Variants in PIK3C2G observed in about 807,000 individuals in gnomAD.
PIK3C2G encodes the protein phosphatidylinositol 3-kinase C2 domain-containing subunit gamma.
In PIK3C2G, 168 loss-of-function variants were observed where a neutral mutation model predicts 181.1. The ratio of observed to expected loss-of-function variants is 0.93; its 90% CI spans 0.82 to 1.05. The LOEUF (loss-of-function observed/expected upper bound fraction) is 1.05, where lower values mean the gene tolerates loss of function less well. Ranked by LOEUF, PIK3C2G falls within the 50% of genes least tolerant of loss-of-function variation. PIK3C2G has a pLI of 0.00. For missense variants in PIK3C2G, 1,869 were observed against 1,732.8 expected, an observed-to-expected ratio of 1.08 and a Z score of -1.40; for synonymous variants, 573 against 592.2, an observed-to-expected ratio of 0.97 and a Z score of 0.47.
At chr12:18,696,450 A>G in the PIK3C2G span, among the ~76,000 whole-genome samples, 1 of 150,470 alleles carries the variant, frequency 6.6e-6, no homozygotes, top group Non-Finnish European at 1.5e-5. Context: ...CTTTATGTTT[A>G]TAGTATAATT....
chr12:18,672,375 T>A, the PIK3C2G span, among the ~76,000 whole-genome samples: 1 of 152,178 alleles, frequency 6.6e-6, no homozygotes, highest in African/African-American at 2.4e-5. Context: ...TTACTTTTAC[T>A]CATTATGTTA....
upstream of PIK3C2G, among the ~76,000 whole-genome samples, chr12:18,247,026 A>G (rs576806963): frequency 2.6e-5 from 4 of 152,376 alleles, no homozygotes; most frequent in African/African-American, 9.6e-5. Flanking sequence ...TATATAAAAC[A>G]TAATATGTAC....
chr12:18,416,643 T>A (rs546201457), intron 16 of PIK3C2G, among the ~76,000 whole-genome samples: 2 of 152,290 alleles, frequency 1.3e-5, no homozygotes, highest in South Asian at 4.1e-4. Flanking sequence ...ATAAATAGAA[T>A]AACAAAGCCT....
chr12:18,414,832 C>T (rs530973172), intron 16 of PIK3C2G, among the ~76,000 whole-genome samples: 5 of 152,312 alleles, frequency 3.3e-5, no homozygotes, highest in Admixed American at 3.3e-4. Flanking sequence ...GCGGCCAACA[C>T]TTCCTAAAAT....
chr12:18,501,323 G>A (rs950865172), intron 22 of PIK3C2G, among the ~76,000 whole-genome samples: 3 of 152,140 alleles, frequency 2.0e-5, no homozygotes, highest in Non-Finnish European at 2.9e-5. Context: ...AAAAAAGGGG[G>A]AGAATGGGGT....
chr12:18,689,908 C>A, the PIK3C2G span, among the ~76,000 whole-genome samples: 1 of 152,074 alleles, frequency 6.6e-6, no homozygotes, highest in Non-Finnish European at 1.5e-5. Context: ...TCACAAAGCT[C>A]CCTAGAGTGA....
chr12:18,622,854 T>G (rs1948925342), intron 31 of PIK3C2G, among the ~76,000 whole-genome samples: 1 of 151,916 alleles, frequency 6.6e-6, no homozygotes, highest in African/African-American at 2.4e-5. Context: ...GGTCTTCTTT[T>G]GAAGTATGTC....
At chr12:18,290,444 T>G (rs992209841) in intron 3 of PIK3C2G, among the ~76,000 whole-genome samples, 1 of 152,158 alleles carries the variant, frequency 6.6e-6, no homozygotes, top group Non-Finnish European at 1.5e-5. Context: ...TTGCCAAAAT[T>G]TCTAAATCAA....
chr12:18,262,564 G>T (rs1213538705), intron 1 of PIK3C2G, among the ~76,000 whole-genome samples: 1 of 148,776 alleles, frequency 6.7e-6, no homozygotes, highest in Non-Finnish European at 1.5e-5. Flanking sequence ...TGTGAATTGA[G>T]CATAAGAAAA....
intron 32 of PIK3C2G, among the ~76,000 whole-genome samples, chr12:18,641,461 T>C (rs572182081): frequency 6.6e-6 from 1 of 152,212 alleles, no homozygotes; most frequent in South Asian, 2.1e-4. Flanking sequence ...GAAACCTCCG[T>C]TTTGCTTTTT....
chr12:18,714,401 A>C, the PIK3C2G span, among the ~76,000 whole-genome samples: 1 of 152,206 alleles, frequency 6.6e-6, no homozygotes, highest in Admixed American at 6.5e-5. Flanking sequence ...CATGTTTGAC[A>C]TAAACTGACT....
chr12:18,688,622 A>G, the PIK3C2G span, among the ~76,000 whole-genome samples: 1 of 151,932 alleles, frequency 6.6e-6, no homozygotes, highest in African/African-American at 2.4e-5. Context: ...AAAATGTACC[A>G]TTTAACTCCC....
At chr12:18,274,016 G>C (rs1189245791) in intron 1 of PIK3C2G, among the ~76,000 whole-genome samples, 6 of 152,128 alleles carry the variant, frequency 3.9e-5, no homozygotes, top group Non-Finnish European at 5.9e-5. Flanking sequence ...CTTCTTGAAA[G>C]AAGACACTTA....
intron 24 of PIK3C2G, among the ~76,000 whole-genome samples, chr12:18,534,714 T>G (rs980148873): frequency 6.6e-6 from 1 of 150,460 alleles, no homozygotes; most frequent in African/African-American, 2.4e-5. Context: ...AGGCTTCTGA[T>G]CCTGACAAGG....
At chr12:18,416,484 A>C (rs886533805) in intron 16 of PIK3C2G, among the ~76,000 whole-genome samples, 1 of 152,186 alleles carries the variant, frequency 6.6e-6, no homozygotes, top group African/African-American at 2.4e-5. Context: ...AGATAAGTCA[A>C]TGCTGGGCTT....
the PIK3C2G span, among the ~76,000 whole-genome samples, chr12:18,653,527 C>G: frequency 7.2e-5 from 11 of 152,236 alleles, no homozygotes; most frequent in East Asian, 1.4e-3. Flanking sequence ...ATTCTTAACT[C>G]CAGACACAGG....
At chr12:18,613,764 C>T (rs11829511) in intron 31 of PIK3C2G, among the ~76,000 whole-genome samples, 30,849 of 151,924 alleles carry the variant, frequency 0.2, 3,204 homozygotes, top group African/African-American at 0.24. Flanking sequence ...GGTTCATGGA[C>T]CACTTTGAAA....
rs1423842031 is a variant in PIK3C2G at position 18,275,045 on chromosome 12, A to G, written c.-78-6959A>G. On this transcript the variant is annotated intron_variant, in intron 1 of 32. Transcript: ENST00000538779. The stretch of plus-strand genomic sequence containing the variant: ...CCAGTATTTATTTTTAAAAGTCCAT[A>G]AGAACAATATTTTCTGAGTTCCTGC... Among the ~76,000 whole-genome samples the G allele has an allele frequency of 5.9e-5, 9 of 152,302 alleles. No homozygotes were observed. The East Asian group carries it at 1.7e-3, about 29-fold the overall frequency.
intron 16 of PIK3C2G, among the ~76,000 whole-genome samples, chr12:18,420,636 A>G (rs1193062789): frequency 6.6e-6 from 1 of 152,146 alleles, no homozygotes; most frequent in Non-Finnish European, 1.5e-5. Flanking sequence ...AGATTTTCAT[A>G]CTACTTTAGA....
Sources: allele counts gnomAD v4.1 joint callset (sites outside exome capture counted in the v4.1 genomes callset), GRCh38; gene constraint gnomAD v4.1.1; transcripts MANE v1.5; gene names NCBI Gene and HGNC (gene_info 2026-07-23, HGNC 2026-07-21).